PLPPR5: variants seen among roughly 807,000 people sequenced by gnomAD.
The protein encoded by PLPPR5 is phospholipid phosphatase-related protein type 5.
Under a neutral mutation model 33.9 loss-of-function variants are expected in PLPPR5, and 16 were observed. The ratio of observed to expected loss-of-function variants is 0.47; its 90% CI spans 0.32 to 0.72. The LOEUF is 0.72. PLPPR5 is among the 30% of genes least tolerant of loss of function. The pLI is 0.03. For missense variants in PLPPR5, 301 were observed against 406.7 expected, an observed-to-expected ratio of 0.74 and a Z score of 2.23; for synonymous variants, 163 against 150.3, an observed-to-expected ratio of 1.08 and a Z score of -0.62.
chr1:98,915,612 A>AAAG (rs1300287656), intron 4 of PLPPR5, among the ~76,000 whole-genome samples: 2 of 152,090 alleles, frequency 1.3e-5, no homozygotes, highest in Non-Finnish European at 2.9e-5. Context: ...TTCTAAAAAA[A>AAAG]AAGAAAAGAA....
chr1:98,906,321 C>G (rs1382889683), intron 5 of PLPPR5, among the ~76,000 whole-genome samples: 1 of 150,706 alleles, frequency 6.6e-6, no homozygotes, highest in Non-Finnish European at 1.5e-5. Flanking sequence ...TATAACAACC[C>G]AAAAGGCTCA....
chr1:98,929,316 T>C (rs1649882008), intron 3 of PLPPR5, among the ~76,000 whole-genome samples: 3 of 152,240 alleles, frequency 2.0e-5, no homozygotes, highest in African/African-American at 7.2e-5. Context: ...ATTAAAACAA[T>C]ATATTTGGAT....
At chr1:98,976,332 T>A (rs1479991803) in intron 1 of PLPPR5, among the ~76,000 whole-genome samples, 1 of 152,054 alleles carries the variant, frequency 6.6e-6, no homozygotes, top group African/African-American at 2.4e-5. Context: ...CTCTATGTCC[T>A]AACATTGATG....
At chr1:98,978,124 C>T (rs144604415) in intron 1 of PLPPR5, among the ~76,000 whole-genome samples, 1 of 152,074 alleles carries the variant, frequency 6.6e-6, no homozygotes, top group East Asian at 1.9e-4. Context: ...ACAATGATTA[C>T]ATTTGACAAT....
intron 1 of PLPPR5, among the ~76,000 whole-genome samples, chr1:98,965,069 T>C (rs1651387487): frequency 6.7e-6 from 1 of 149,510 alleles, no homozygotes. Flanking sequence ...CGCCTCAGCC[T>C]CCCAAAGTGC....
intron 5 of PLPPR5, among the ~76,000 whole-genome samples, chr1:98,902,624 T>C (rs911119138): frequency 5.3e-5 from 8 of 152,094 alleles, no homozygotes; most frequent in Non-Finnish European, 8.8e-5. Flanking sequence ...CTGATTGATT[T>C]TGAAGGCCCT....
intron 4 of PLPPR5, among the ~76,000 whole-genome samples, chr1:98,921,527 T>C (rs1307187255): frequency 4.6e-5 from 7 of 152,178 alleles, no homozygotes; most frequent in African/African-American, 1.2e-4. Context: ...TAAGGATTTA[T>C]ATAAAGTTTG....
At chr1:98,941,436 G>C (rs975913241) in intron 3 of PLPPR5, among the ~76,000 whole-genome samples, 2 of 151,510 alleles carry the variant, frequency 1.3e-5, no homozygotes, top group African/African-American at 4.8e-5. Flanking sequence ...GAGGTGGAAG[G>C]GGCAAACCCC....
chr1:98,934,528 T>A (rs903791154), intron 3 of PLPPR5, among the ~76,000 whole-genome samples: 2 of 152,338 alleles, frequency 1.3e-5, no homozygotes, highest in Non-Finnish European at 2.9e-5. Context: ...CTTTCCCATG[T>A]CCTGGATAAT....
intron 1 of PLPPR5, among the ~76,000 whole-genome samples, chr1:98,974,026 G>A (rs551184775): frequency 3.6e-4 from 54 of 152,054 alleles, no homozygotes; most frequent in African/African-American, 1.3e-3. Context: ...AGTGAACCAT[G>A]CTTAAAGCCG....
chr1:98,956,321 A>T (rs893881604), intron 2 of PLPPR5, among the ~76,000 whole-genome samples: 9 of 152,174 alleles, frequency 5.9e-5, no homozygotes, highest in African/African-American at 2.2e-4. Flanking sequence ...AGAAGGTAGT[A>T]TGTAATGTTT....
chr1:98,933,193 T>TTTA (rs995411114), intron 3 of PLPPR5, among the ~76,000 whole-genome samples: 2 of 143,812 alleles, frequency 1.4e-5, no homozygotes, highest in East Asian at 4.1e-4. Flanking sequence ...GAGGGCTTTT[T>TTTA]AAAAAAAAAA....
intron 3 of PLPPR5, among the ~76,000 whole-genome samples, chr1:98,938,648 A>G (rs369376520): frequency 6.6e-6 from 1 of 151,778 alleles, no homozygotes; most frequent in Admixed American, 6.6e-5. Context: ...ACAATAGCAA[A>G]CACATGGAAT....
At chr1:98,904,723 C>T (rs557421285) in intron 5 of PLPPR5, among the ~76,000 whole-genome samples, 1 of 152,232 alleles carries the variant, frequency 6.6e-6, no homozygotes, top group South Asian at 2.1e-4. Context: ...GTTGGGGTGA[C>T]TGCAGTCTGA....
chr1:98,920,645 G>A (rs894773671), intron 4 of PLPPR5, among the ~76,000 whole-genome samples: 13 of 144,300 alleles, frequency 9.0e-5, no homozygotes, highest in Non-Finnish European at 1.5e-4. Flanking sequence ...CTACTTTACC[G>A]CAGGAGATTC....
chr1:98,954,362 G>A (rs534095626), intron 2 of PLPPR5, among the ~76,000 whole-genome samples: 2 of 152,060 alleles, frequency 1.3e-5, no homozygotes, highest in African/African-American at 4.8e-5. Context: ...ACTTCTAAAA[G>A]TACTGATTTA....
chr1:98,958,052 A>G (rs1332744646), intron 1 of PLPPR5, among the ~76,000 whole-genome samples: 1 of 152,212 alleles, frequency 6.6e-6, no homozygotes, highest in African/African-American at 2.4e-5. Context: ...CCAAGAAGAA[A>G]TTTCTCTCTA....
chr1:98,974,792 A>G (rs1213857400), intron 1 of PLPPR5, among the ~76,000 whole-genome samples: 1 of 152,022 alleles, frequency 6.6e-6, no homozygotes, highest in African/African-American at 2.4e-5. Context: ...TGCAATTTCT[A>G]CTTTGTACCT....
chr1:98,962,162 C>T (rs140065918), intron 1 of PLPPR5, among the ~76,000 whole-genome samples: 1 of 152,286 alleles, frequency 6.6e-6, no homozygotes, highest in East Asian at 1.9e-4. Flanking sequence ...CTTCATTTGT[C>T]TCTTTTCATC....
Sources: allele counts gnomAD v4.1 joint callset (sites outside exome capture counted in the v4.1 genomes callset), GRCh38; gene constraint gnomAD v4.1.1; transcripts MANE v1.5; gene names NCBI Gene and HGNC (gene_info 2026-07-23, HGNC 2026-07-21).